TENM1: variants seen among roughly 807,000 people sequenced by gnomAD.
TENM1 encodes the protein teneurin-1.
Under a neutral mutation model 174.8 loss-of-function variants are expected in TENM1, and 35 were observed. That is an observed-to-expected ratio of 0.20 (90% CI 0.15 to 0.27). The LOEUF is 0.27. TENM1 is among the 10% of genes least tolerant of loss of function. TENM1 has a pLI of 1.00. For synonymous variants in TENM1, 781 were observed against 798.7 expected (o/e 0.98, Z 0.37); for missense variants, 1,633 against 2,130.1 (o/e 0.77, Z 4.59).
At chrX:124,544,542 G>C (rs186326777) in intron 15 of TENM1, among the ~76,000 whole-genome samples, 8 of 112,518 alleles carry the variant, frequency 7.1e-5, no homozygotes, top group African/African-American at 2.6e-4. Context: ...CATTTCATGA[G>C]TCACTCAATT....
At chrX:125,119,450 C>CT in the TENM1 span, among the ~76,000 whole-genome samples, 31,983 of 100,506 alleles carry the variant, frequency 0.32, 4,858 homozygotes, top group African/African-American at 0.56. Context: ...TTATTTACTG[C>CT]TTTTTTTTTT....
the TENM1 span, among the ~76,000 whole-genome samples, chrX:125,194,586 C>G: frequency 1.8e-5 from 2 of 111,833 alleles, no homozygotes; most frequent in East Asian, 5.6e-4. Flanking sequence ...GGATAAACCT[C>G]AGGAAAAACA....
At chrX:124,940,021 C>A (rs148583471) in intron 1 of TENM1, among the ~76,000 whole-genome samples, 1 of 111,864 alleles carries the variant, frequency 8.9e-6, no homozygotes, top group African/African-American at 3.3e-5. Flanking sequence ...AACTCTATCC[C>A]CAACACCTAA....
intron 27 of TENM1, among the ~76,000 whole-genome samples, chrX:124,398,709 G>A (rs1221840193): frequency 9.1e-6 from 1 of 110,412 alleles, no homozygotes; most frequent in Non-Finnish European, 1.9e-5. Flanking sequence ...CACACAGTAG[G>A]AGTCACCAAT....
At chrX:124,459,967 C>A (rs762102566) in intron 22 of TENM1, among the ~76,000 whole-genome samples, 2 of 111,977 alleles carry the variant, frequency 1.8e-5, no homozygotes, top group South Asian at 7.4e-4. Flanking sequence ...GGCCAACAAG[C>A]ATATGAAAAA....
intron 20 of TENM1, among the ~76,000 whole-genome samples, chrX:124,491,059 G>C (rs1045167454): frequency 1.8e-5 from 2 of 112,233 alleles, no homozygotes; most frequent in African/African-American, 6.5e-5. Context: ...CCTCACACTT[G>C]TGAAAGTTGT....
At chrX:125,164,915 C>T in the TENM1 span, among the ~76,000 whole-genome samples, 1 of 111,337 alleles carries the variant, frequency 9.0e-6, no homozygotes, top group African/African-American at 3.3e-5. Flanking sequence ...ACATCCAATA[C>T]CAGCCATCAC....
chrX:124,997,684 C>T, the TENM1 span, among the ~76,000 whole-genome samples: 3 of 110,940 alleles, frequency 2.7e-5, no homozygotes, highest in East Asian at 2.8e-4. Flanking sequence ...ATTGTGTACC[C>T]TCTCAAATGC....
At chrX:125,108,585 G>A in the TENM1 span, among the ~76,000 whole-genome samples, 2 of 109,444 alleles carry the variant, frequency 1.8e-5, no homozygotes, top group Admixed American at 9.8e-5. Flanking sequence ...GCTGGGCATG[G>A]TCGTACCTGG....
the TENM1 span, among the ~76,000 whole-genome samples, chrX:125,197,944 T>C: frequency 8.9e-6 from 1 of 111,941 alleles, no homozygotes; most frequent in African/African-American, 3.2e-5. Flanking sequence ...AGAAAAGTAA[T>C]ATTAGTTTCT....
intron 3 of TENM1, among the ~76,000 whole-genome samples, chrX:124,747,186 T>TA (rs758643714): frequency 0.01 from 1,088 of 105,806 alleles, 20 homozygotes; most frequent in African/African-American, 0.036. Context: ...TAAATAAAAT[T>TA]AAAAAAAATA....
chrX:125,042,795 C>T, the TENM1 span, among the ~76,000 whole-genome samples: 2 of 111,271 alleles, frequency 1.8e-5, no homozygotes, highest in African/African-American at 6.5e-5. Flanking sequence ...TATTATTAGG[C>T]AAGGCATAGA....
the TENM1 span, among the ~76,000 whole-genome samples, chrX:125,046,857 CGTGTGT>C: frequency 1.8e-3 from 181 of 98,197 alleles, 2 homozygotes; most frequent in African/African-American, 5.7e-3. Context: ...TGTGTGCATG[CGTGTGT>C]GTGTGTGTGT....
At chrX:124,762,408 T>C (rs2054440281) in intron 3 of TENM1, among the ~76,000 whole-genome samples, 1 of 112,725 alleles carries the variant, frequency 8.9e-6, no homozygotes. Flanking sequence ...CATTCCATAT[T>C]ATGTGTCATG....
the TENM1 span, among the ~76,000 whole-genome samples, chrX:125,148,755 T>A: frequency 2.7e-5 from 3 of 111,980 alleles, no homozygotes; most frequent in African/African-American, 9.7e-5. Context: ...TTCTTCTCTG[T>A]TGCTCCTTAT....
the TENM1 span, among the ~76,000 whole-genome samples, chrX:125,030,079 T>C: frequency 8.9e-6 from 1 of 112,311 alleles, no homozygotes; most frequent in Non-Finnish European, 1.9e-5. Context: ...TTTTAGCTAA[T>C]GTGTATTTTA....
intron 1 of TENM1, among the ~76,000 whole-genome samples, chrX:124,957,691 A>C (rs1358826216): frequency 9.0e-6 from 1 of 111,564 alleles, no homozygotes; most frequent in Non-Finnish European, 1.9e-5. Flanking sequence ...CAACCAACCA[A>C]ACAAAAATGC....
chrX:124,527,354 G>A (rs2047998516), intron 16 of TENM1, among the ~76,000 whole-genome samples: 1 of 111,487 alleles, frequency 9.0e-6, no homozygotes, highest in Non-Finnish European at 1.9e-5. Context: ...ACCTTTTCTG[G>A]TTCTTTAGGG....
intron 23 of TENM1, among the ~76,000 whole-genome samples, chrX:124,443,145 A>T (rs1159880121): frequency 9.9e-6 from 1 of 101,232 alleles, no homozygotes; most frequent in Non-Finnish European, 2.0e-5. Context: ...CACTTGTATA[A>T]AATTAAATTG....
Sources: gnomAD v4.1 joint callset for allele counts (sites outside exome capture counted in the v4.1 genomes callset) on GRCh38, gnomAD v4.1.1 for gene constraint, MANE v1.5 for transcripts, NCBI Gene and HGNC (gene_info 2026-07-23, HGNC 2026-07-21) for gene names.